RAPGEF1: variants seen among roughly 807,000 people sequenced by gnomAD.
RAPGEF1 encodes the protein CRK SH3-binding GNRP.
In RAPGEF1, 33 loss-of-function variants were observed where a neutral mutation model predicts 143.3. The ratio of observed to expected loss-of-function variants is 0.23; its 90% CI spans 0.17 to 0.31. The LOEUF is 0.31. Among genes scored for constraint, RAPGEF1 ranks in the 10% least tolerant of loss-of-function variants. RAPGEF1 has a pLI of 1.00. For synonymous variants in RAPGEF1, 629 were observed against 676.5 expected, an observed-to-expected ratio of 0.93 and a Z score of 1.09; for missense variants, 1,199 against 1,645.4, an observed-to-expected ratio of 0.73 and a Z score of 4.69.
At chr9:131,726,893 A>C (rs1479952683) in intron 1 of RAPGEF1, among the ~76,000 whole-genome samples, 2 of 152,042 alleles carry the variant, frequency 1.3e-5, no homozygotes, top group African/African-American at 4.8e-5. Flanking sequence ...AGTCCCAGCT[A>C]CTCAAGAGGC....
chr9:131,695,935 A>G (rs1834137553), intron 1 of RAPGEF1, among the ~76,000 whole-genome samples: 1 of 152,198 alleles, frequency 6.6e-6, no homozygotes, highest in Admixed American at 6.5e-5. Flanking sequence ...CAGATTTTAT[A>G]ATGACCTGAA....
intron 15 of RAPGEF1, among the ~76,000 whole-genome samples, chr9:131,599,625 C>T (rs1039237716): frequency 1.3e-5 from 2 of 151,984 alleles, no homozygotes; most frequent in Non-Finnish European, 2.9e-5. Context: ...GAGAACATTT[C>T]CCACAAAGGG....
intron 25 of RAPGEF1, among the ~76,000 whole-genome samples, chr9:131,581,506 T>C (rs1588145204): frequency 6.6e-6 from 1 of 151,030 alleles, no homozygotes; most frequent in African/African-American, 2.4e-5. Flanking sequence ...CTGGCCAACA[T>C]GGTGAAACTC....
At chr9:131,702,739 T>C (rs1834753265) in intron 1 of RAPGEF1, among the ~76,000 whole-genome samples, 1 of 152,172 alleles carries the variant, frequency 6.6e-6, no homozygotes, top group South Asian at 2.1e-4. Context: ...ATCACAAAAC[T>C]ATATTAATGA....
chr9:131,738,029 TG>T (rs1484051099), intron 1 of RAPGEF1, among the ~76,000 whole-genome samples: 81 of 152,172 alleles, frequency 5.3e-4, no homozygotes, highest in African/African-American at 1.9e-3. Flanking sequence ...TGCCCAGGCT[TG>T]TTTCAAACTC....
chr9:131,638,560 C>A (rs1269566999), intron 5 of RAPGEF1, 75 bp downstream of exon 5: 2 of 1,543,872 alleles, frequency 1.3e-6, no homozygotes, highest in African/African-American at 2.7e-5. Context: ...CAGGAGCAAG[C>A]TCTTATGTGA....
At chr9:131,632,902 G>GC (rs1174029548) in intron 5 of RAPGEF1, among the ~76,000 whole-genome samples, 2 of 151,730 alleles carry the variant, frequency 1.3e-5, no homozygotes, top group Admixed American at 6.6e-5. Flanking sequence ...AAGCAACCCC[G>GC]CCCTCCAAAA....
Position 131,723,757 on chromosome 9 carries a change from G to A in RAPGEF1, c.61+16013C>T, listed in dbSNP as rs556710814. The stretch of plus-strand genomic sequence containing the variant: ...AGAGATGGTACACAAAGGTCTCCTC[G>A]AGTCCCTGCTTTCCCTTCTTTTGCG... On this transcript the variant is annotated intron_variant, in intron 1 of 26. Transcript: ENST00000683357. 6.2e-4 allele frequency among the ~76,000 whole-genome samples: 94 copies of A among 152,250 alleles called. 1 individual carries two copies. The highest frequency in any genetic ancestry group is 1.8e-3 in the African/African-American group (76 of 41,522).
At chr9:131,617,248 TCGC>T (rs1959146577) in intron 12 of RAPGEF1, among the ~76,000 whole-genome samples, 1 of 152,250 alleles carries the variant, frequency 6.6e-6, no homozygotes, top group Non-Finnish European at 1.5e-5. Context: ...AGGCCAAGTT[TCGC>T]AAGATTTGTG....
In RAPGEF1 at chr9:131,675,696, G is replaced by A. The variant is rs1362567958; in HGVS notation, c.62-24747C>T. On this transcript the variant is annotated intron_variant, in intron 1 of 26. Transcript: ENST00000683357. This position sits in a 1 kb window ranked among gnomAD's most constrained non-coding sequence, Gnocchi z 4.6. ...ATGAAGGTAGAGAAGAGGAATTTAA[G>A]GCAAGGGTTAGTCAGGAGCTAGTCT... Among the ~76,000 whole-genome samples, 1 of 152,250 alleles carries A rather than the reference G, an allele frequency of 6.6e-6. No homozygotes were observed. The highest frequency in any genetic ancestry group is 1.5e-5 in the Non-Finnish European group (1 of 68,046).
chr9:131,730,363 A>C (rs1228149963), intron 1 of RAPGEF1, among the ~76,000 whole-genome samples: 1 of 151,666 alleles, frequency 6.6e-6, no homozygotes, highest in Non-Finnish European at 1.5e-5. Context: ...AGTCCACCCC[A>C]CATACTGCAG....
chr9:131,581,441 C>G (rs1951852452), intron 25 of RAPGEF1, among the ~76,000 whole-genome samples: 1 of 151,702 alleles, frequency 6.6e-6, no homozygotes, highest in Non-Finnish European at 1.5e-5. Context: ...GTAATCCCAG[C>G]ACTTTGGGAG....
At chr9:131,635,974 C>G (rs1245192610) in intron 5 of RAPGEF1, among the ~76,000 whole-genome samples, 1 of 152,226 alleles carries the variant, frequency 6.6e-6, no homozygotes, top group Non-Finnish European at 1.5e-5. Flanking sequence ...CTCGATCACT[C>G]TCACTGTCTG....
chr9:131,688,399 TCAGTGGATGTTAACTACC>T (rs1286406463), intron 1 of RAPGEF1, among the ~76,000 whole-genome samples: 1 of 152,198 alleles, frequency 6.6e-6, no homozygotes, highest in Admixed American at 6.5e-5. Flanking sequence ...ATTTCTTATC[TCAGTGGATGTTAACTACC>T]CATTAACATA....
intron 9 of RAPGEF1, 85 bp from the exon 10 acceptor site, chr9:131,626,507 C>T: frequency 7.2e-7 from 1 of 1,398,236 alleles, no homozygotes; most frequent in Non-Finnish European, 9.6e-7. Flanking sequence ...CTCTCGCCGG[C>T]TCGCTCATGG....
In RAPGEF1 at chr9:131,592,107, C is replaced by T. The variant is rs1385918227; in HGVS notation, c.2766G>A (p.Leu922=). 6 of 1,609,340 alleles carry T rather than the reference C, an allele frequency of 3.7e-6. No individual in the cohort carries two copies. The highest frequency in any genetic ancestry group is 2.2e-5 in the South Asian group (2 of 91,012). The change falls in exon 18 of 27, where the codon CTG becomes CTA. Residue 922 remains leucine, a synonymous_variant. Transcript: ENST00000683357. ...CAGGAAGGAAAGGATATCTGTACTGCAGCTTCTTGATGAGCTCCTCTGGGG... is the reference window on the plus strand; with the variant it reads ...CAGGAAGGAAAGGATATCTGTACTGTAGCTTCTTGATGAGCTCCTCTGGGG... ...FISPEELIKK[L]QYRYEKFSPF...
intron 1 of RAPGEF1, among the ~76,000 whole-genome samples, chr9:131,730,905 T>C (rs1971478): frequency 0.9 from 136,492 of 151,954 alleles, 61,465 homozygotes; most frequent in African/African-American, 0.95. Context: ...TCTGAAGGAA[T>C]CCTCAGGATG....
intron 4 of RAPGEF1, among the ~76,000 whole-genome samples, chr9:131,640,374 T>C (rs1017242492): frequency 1.3e-5 from 2 of 152,212 alleles, no homozygotes; most frequent in Non-Finnish European, 2.9e-5. Context: ...GGAAACACTT[T>C]TATTCACTAC....
At chr9:131,611,559 C>T (rs1158793027) in intron 12 of RAPGEF1, among the ~76,000 whole-genome samples, 1 of 152,190 alleles carries the variant, frequency 6.6e-6, no homozygotes, top group African/African-American at 2.4e-5. Context: ...TTCTAGGATG[C>T]TCTGTAATTC....
Sources: allele counts gnomAD v4.1 joint callset (sites outside exome capture counted in the v4.1 genomes callset), GRCh38; gene constraint gnomAD v4.1.1; non-coding constraint Gnocchi (gnomAD v3.1); transcripts MANE v1.5; gene names NCBI Gene and HGNC (gene_info 2026-07-23, HGNC 2026-07-21).